The following ACMSD variants were observed in gnomAD, a reference collection of about 807,000 sequenced individuals.
ACMSD encodes the protein 2-amino-3-carboxymuconate-6-semialdehyde decarboxylase.
ACMSD carries 37 observed loss-of-function variants against 45.9 expected under a neutral mutation model. The observed-to-expected ratio is 0.81, with a 90% confidence interval of 0.62 to 1.06. The LOEUF is 1.06. ACMSD is among the 50% of genes least tolerant of loss of function. The pLI is 0.00. For synonymous variants in ACMSD, 138 were observed against 148.8 expected (o/e 0.93, Z 0.53); for missense variants, 434 against 420.9 (o/e 1.03, Z -0.27).
In ACMSD at chr2:134,844,643, G is replaced by A. The variant is rs1160831698; in HGVS notation, c.58-590G>A. Among the ~76,000 whole-genome samples, 2 of 152,192 alleles carry A rather than the reference G, an allele frequency of 1.3e-5. 1 individual carries two copies. The highest frequency in any genetic ancestry group is 6.3e-3 in the Middle Eastern group (2 of 316). On this transcript the variant is annotated intron_variant, in intron 1 of 9. Coordinates refer to ENST00000356140, the MANE Select transcript of ACMSD (RefSeq NM_138326.3). ...TTAGTACTTCTGACCTACTAGGATG[G>A]CTTGATCAAAGCAGGTTCCAGGAGA...
At chr2:134,858,459 T>C (rs1033100981) in intron 2 of ACMSD, among the ~76,000 whole-genome samples, 3 of 152,166 alleles carry the variant, frequency 2.0e-5, no homozygotes, top group Non-Finnish European at 1.5e-5. Context: ...ATATGGTGAC[T>C]ATAGTTAATA....
At position 134,842,630 on chromosome 2, in the gene ACMSD, C is replaced by G. The variant is rs185296006; in HGVS notation, c.58-2603C>G. ...CCATGGCAATTAGTGCCCCCATCATCACCACCGTCACCATCAGCATCATTG... is the reference window on the plus strand; with the variant it reads ...CCATGGCAATTAGTGCCCCCATCATGACCACCGTCACCATCAGCATCATTG... On this transcript the variant is annotated intron_variant, in intron 1 of 9. Coordinates refer to ENST00000356140, the MANE Select transcript of ACMSD (RefSeq NM_138326.3). Among the ~76,000 whole-genome samples, 46 of 152,266 alleles carry G rather than the reference C, an allele frequency of 3.0e-4. No homozygotes were observed. The East Asian group carries it at 8.3e-3, about 27-fold the overall frequency.
chr2:134,882,255 TA>T (rs1689077643), intron 8 of ACMSD, among the ~76,000 whole-genome samples: 3 of 152,182 alleles, frequency 2.0e-5, no homozygotes, highest in African/African-American at 7.2e-5. Flanking sequence ...CTCAATAGAG[TA>T]AAAATACTTT....
chr2:134,887,472 C>T (rs1303415426), intron 8 of ACMSD, among the ~76,000 whole-genome samples: 1 of 152,118 alleles, frequency 6.6e-6, no homozygotes, highest in African/African-American at 2.4e-5. Context: ...GGCACGATCT[C>T]GGCTCACTGC....
At chr2:134,872,705 T>G (rs1346494670) in intron 8 of ACMSD, 64 bp downstream of exon 8, 1 of 1,576,498 alleles carries the variant, frequency 6.3e-7, no homozygotes, top group African/African-American at 1.3e-5. Context: ...CAACCCATTC[T>G]CTCTCCTTTG....
intron 8 of ACMSD, among the ~76,000 whole-genome samples, chr2:134,877,124 A>G (rs1195504028): frequency 6.6e-6 from 1 of 152,222 alleles, no homozygotes; most frequent in Non-Finnish European, 1.5e-5. Context: ...TGTTTACACC[A>G]GCATCACCAC....
intron 1 of ACMSD, among the ~76,000 whole-genome samples, chr2:134,841,838 G>A (rs908387736): frequency 2.6e-5 from 4 of 152,208 alleles, no homozygotes; most frequent in East Asian, 3.9e-4. Context: ...ACCTTCTTTT[G>A]TTAGCAATTG....
In ACMSD at chr2:134,901,918, TGTATCAACAG is replaced by T; in HGVS notation, c.*68_*77del. The T allele has an allele frequency of 7.4e-7, 1 of 1,355,808 alleles. No individual in the cohort carries two copies. The highest frequency in any genetic ancestry group is 1.0e-6 in the Non-Finnish European group (1 of 966,642). The allele number at this position is 1,355,808 out of a possible 1,614,324, so 84.0% of individuals were successfully genotyped here. On this transcript the variant is annotated 3_prime_UTR_variant, in exon 10 of 10. Transcript: ENST00000356140. The stretch of plus-strand genomic sequence containing the variant: ...GATATCTCATTTTTGTTTCTAAATA[TGTATCAACAG>T]GTATCAACAAAATCCTATTTTGAAC...
chr2:134,885,403 T>TATATATTATATGTAAATATATATATTTAC lies in ACMSD; in HGVS notation c.849+12767_849+12768insTTATATGTAAATATATATATTTACATATA, dbSNP rs1559065323. On this transcript the variant is annotated intron_variant, in intron 8 of 9. Transcript: ENST00000356140. Reference sequence around the variant, plus strand: ...ATATATATGTAAATATATATATTTATATATAAAATATATATGTAAATATAT... The same window carrying TATATATTATATGTAAATATATATATTTAC: ...ATATATATGTAAATATATATATTTATATATATTATATGTAAATATATATATTTACATATAAAATATATATGTAAATATAT... 8.5e-5 allele frequency among the ~76,000 whole-genome samples: 10 copies of TATATATTATATGTAAATATATATATTTAC among 117,394 alleles called. No homozygotes were observed. The East Asian group carries it at 2.3e-3, about 27-fold the overall frequency. 77.0% of individuals were successfully genotyped at this position (117,394 alleles called of 152,430 possible).
intron 8 of ACMSD, among the ~76,000 whole-genome samples, chr2:134,891,481 A>G (rs1034889793): frequency 6.6e-6 from 1 of 152,164 alleles, no homozygotes; most frequent in Non-Finnish European, 1.5e-5. Context: ...AAATATGTGA[A>G]AAAATGTTTA....
chr2:134,860,845 C>T (rs1421862378), intron 3 of ACMSD, among the ~76,000 whole-genome samples: 5 of 127,700 alleles, frequency 3.9e-5, no homozygotes, highest in South Asian at 2.9e-4. Context: ...CACAGTGAGA[C>T]CCTGTCTCCA....
intron 2 of ACMSD, among the ~76,000 whole-genome samples, chr2:134,854,686 T>G (rs1423081822): frequency 6.6e-6 from 1 of 152,260 alleles, no homozygotes; most frequent in Non-Finnish European, 1.5e-5. Context: ...CAAGGGAGAC[T>G]GGGAAAGCAT....
Position 134,855,900 on chromosome 2 carries a change from G to C in ACMSD, c.103-3361G>C, listed in dbSNP as rs571488178. Among the ~76,000 whole-genome samples, 6 of 152,290 alleles carry C rather than the reference G, an allele frequency of 3.9e-5. No homozygotes were observed. The East Asian group carries it at 9.6e-4, about 24-fold the overall frequency. On this transcript the variant is annotated intron_variant, in intron 2 of 9. Coordinates refer to ENST00000356140, the MANE Select transcript of ACMSD (RefSeq NM_138326.3). ...TTCATGATCAAGCCAAGAGGAGGAG[G>C]AGGAGAGCAGAGGACTCCACCAAGC...
rs1322148362 is a variant in ACMSD, at chr2:134,885,308, T to TGTAA, written c.849+12667_849+12668insGTAA. On this transcript the variant is annotated intron_variant, in intron 8 of 9. Coordinates refer to ENST00000356140, the MANE Select transcript of ACMSD (RefSeq NM_138326.3). ...TATTATATTTATATATATATTTAAA[T>TGTAA]ATATATATATAAATATATATGTAAA... 0.022 allele frequency among the ~76,000 whole-genome samples: 2,133 copies of TGTAA among 96,906 alleles called. 95 individuals are homozygous for TGTAA. The East Asian group carries it at 0.3, about 14-fold the overall frequency. 63.6% of individuals were successfully genotyped at this position (96,906 alleles called of 152,430 possible).
intron 1 of ACMSD, among the ~76,000 whole-genome samples, chr2:134,839,369 T>C (rs1686678392): frequency 6.6e-6 from 1 of 152,170 alleles, no homozygotes; most frequent in Admixed American, 6.5e-5. Flanking sequence ...GAGTATTCTT[T>C]GTGTTTCTCT....
chr2:134,885,264 TATAA>T (rs1424371356), intron 8 of ACMSD, among the ~76,000 whole-genome samples: 1 of 93,082 alleles, frequency 1.1e-5, no homozygotes, highest in African/African-American at 4.5e-5. Flanking sequence ...ATAATATATA[TATAA>T]ATATATATAT....
chr2:134,859,240 A>G, intron 2 of ACMSD, 21 bp from the exon 3 acceptor site: 2 of 1,609,268 alleles, frequency 1.2e-6, no homozygotes, highest in East Asian at 2.2e-5. Flanking sequence ...GCATTTTAGT[A>G]ATGTGGGTTT....
chr2:134,901,841 A>G lies in ACMSD; in HGVS notation c.992A>G (p.Glu331Gly), dbSNP rs1690518837. ...AATGCCCTGGCATTTTTGGGTCTTG[A>G]GAGAAAACAATTTGAATGACTGAAT... ...AGNALAFLGL[E>G]RKQFE The change falls in exon 10 of 10, where the codon GAG becomes GGG. Residue 331 changes from glutamate to glycine, a missense_variant. Coordinates refer to ENST00000356140, the MANE Select transcript of ACMSD (RefSeq NM_138326.3). The G allele has an allele frequency of 1.9e-6, 3 of 1,600,704 alleles. No homozygotes were observed. The highest frequency in any genetic ancestry group is 2.6e-6 in the Non-Finnish European group (3 of 1,171,728).
In ACMSD at chr2:134,859,320, G is replaced by C. The variant is rs748454862; in HGVS notation, c.162G>C (p.Trp54Cys). Residue 54 changes from tryptophan to cysteine, a missense_variant, in exon 3 of 10, where the codon TGG becomes TGC. Physicochemically the swap from Trp to Cys is radical, Grantham distance 215 (BLOSUM62 -2). Coordinates refer to ENST00000356140, the MANE Select transcript of ACMSD (RefSeq NM_138326.3). ...TCAGAGTGGTGCGAGAGAATTGCTG[G>C]GATCCAGAAGTTCGTATTAGAGAAA... ...KVFRVVRENC[W>C]DPEVRIREMD... is the part of the protein sequence containing the mutation. The C allele has an allele frequency of 6.2e-7, 1 of 1,614,030 alleles. No homozygotes were observed. Among genetic ancestry groups the C allele is most frequent in the Non-Finnish European group, 8.5e-7 (1 of 1,179,976 alleles).
Sources: gnomAD v4.1 joint callset for allele counts (sites outside exome capture counted in the v4.1 genomes callset) on GRCh38, gnomAD v4.1.1 for gene constraint, MANE v1.5 for transcripts, NCBI Gene and HGNC (gene_info 2026-07-23, HGNC 2026-07-21) for gene names.